The following CAMK1D variants were observed in gnomAD, a reference collection of about 807,000 sequenced individuals.
CAMK1D encodes calcium/calmodulin dependent protein kinase ID.
Under a neutral mutation model 47.7 loss-of-function variants are expected in CAMK1D, and 9 were observed. That is an observed-to-expected ratio of 0.19 (90% CI 0.11 to 0.33). The LOEUF is 0.33. Ranked by LOEUF, CAMK1D falls within the 10% of genes least tolerant of loss-of-function variation. The probability of loss-of-function intolerance (pLI) is 1.00; values close to 1 mark genes in which losing one functional copy is unlikely to be tolerated. For synonymous variants in CAMK1D, 184 were observed against 184.9 expected (o/e 0.99, Z 0.04); for missense variants, 291 against 488.7 (o/e 0.60, Z 3.81).
At chr10:12,669,858 G>T (rs1282251050) in intron 3 of CAMK1D, among the ~76,000 whole-genome samples, 11 of 151,942 alleles carry the variant, frequency 7.2e-5, no homozygotes, top group Admixed American at 7.2e-4. Flanking sequence ...TGTCTCAGTG[G>T]TTCATTCCTT....
In CAMK1D at chr10:12,430,448, A is replaced by C. The variant is rs115642351; in HGVS notation, c.92+80538A>C. ...CTTGAAGGGGATCAGTGTGCTTCAG[A>C]ACATCTAGAGCTTTCACTAAATCAG... On this transcript the variant is annotated intron_variant, in intron 1 of 10. Transcript: ENST00000619168. 2.6e-3 allele frequency among the ~76,000 whole-genome samples: 402 copies of C among 152,306 alleles called. 4 individuals carry two copies. Among genetic ancestry groups the C allele is most frequent in the African/African-American group, 9.3e-3 (386 of 41,578 alleles).
intron 2 of CAMK1D, among the ~76,000 whole-genome samples, chr10:12,632,000 C>T (rs1277049125): frequency 3.3e-5 from 5 of 152,144 alleles, no homozygotes; most frequent in Admixed American, 6.5e-5. Flanking sequence ...GAGCTCTTAA[C>T]GCACCACACC....
chr10:12,411,982 T>A (rs1839673524), intron 1 of CAMK1D, among the ~76,000 whole-genome samples: 1 of 152,228 alleles, frequency 6.6e-6, no homozygotes, highest in Non-Finnish European at 1.5e-5. Flanking sequence ...GGATAGAACA[T>A]CCGCTGATGT....
chr10:12,415,842 G>T (rs1839829579), intron 1 of CAMK1D: 1 of 146,226 alleles, frequency 6.8e-6, no homozygotes, highest in South Asian at 2.1e-4. Context: ...GTCTCGCTCT[G>T]TTGTCCAGGC....
intron 2 of CAMK1D, among the ~76,000 whole-genome samples, chr10:12,600,687 G>A (rs974875352): frequency 4.6e-5 from 7 of 152,170 alleles, no homozygotes; most frequent in Non-Finnish European, 8.8e-5. Flanking sequence ...GATCTATTGC[G>A]TAGTGGTGAA....
At chr10:12,753,768 C>T (rs972953437) in intron 3 of CAMK1D, among the ~76,000 whole-genome samples, 17 of 152,200 alleles carry the variant, frequency 1.1e-4, no homozygotes, top group Admixed American at 2.0e-4. Flanking sequence ...CTGTATTCTC[C>T]GAAAGAGTGA....
At chr10:12,480,955 C>T (rs1160827470) in intron 1 of CAMK1D, among the ~76,000 whole-genome samples, 1 of 152,204 alleles carries the variant, frequency 6.6e-6, no homozygotes, top group Non-Finnish European at 1.5e-5. Flanking sequence ...CCTCCAACAG[C>T]CCTTGGTCAT....
intron 2 of CAMK1D, among the ~76,000 whole-genome samples, chr10:12,596,479 G>A (rs1460231571): frequency 2.0e-5 from 3 of 152,132 alleles, no homozygotes; most frequent in East Asian, 1.9e-4. Context: ...GGCTTCATTT[G>A]GCTTACCTAG....
chr10:12,536,001 G>A (rs184125752), intron 1 of CAMK1D, among the ~76,000 whole-genome samples: 3 of 152,196 alleles, frequency 2.0e-5, no homozygotes, highest in Non-Finnish European at 4.4e-5. Flanking sequence ...TGTAAACCTG[G>A]ACTTTGCATA....
At chr10:12,496,830 A>G (rs967687897) in intron 1 of CAMK1D, among the ~76,000 whole-genome samples, 2 of 152,176 alleles carry the variant, frequency 1.3e-5, no homozygotes, top group African/African-American at 4.8e-5. Context: ...TGTCAAACCC[A>G]TCACCTAGGT....
intron 1 of CAMK1D, among the ~76,000 whole-genome samples, chr10:12,361,033 T>A (rs1385256780): frequency 6.6e-6 from 1 of 152,116 alleles, no homozygotes; most frequent in Non-Finnish European, 1.5e-5. Context: ...CTTTCAATGA[T>A]CTCTTGGAAC....
intron 3 of CAMK1D, among the ~76,000 whole-genome samples, chr10:12,683,853 A>G (rs1564489906): frequency 6.6e-6 from 1 of 151,912 alleles, no homozygotes; most frequent in Non-Finnish European, 1.5e-5. Flanking sequence ...AACCCCTCCA[A>G]TAACCACTTA....
intron 1 of CAMK1D, among the ~76,000 whole-genome samples, chr10:12,483,801 CT>C (rs1459323032): frequency 6.6e-6 from 1 of 152,104 alleles, no homozygotes; most frequent in East Asian, 1.9e-4. Flanking sequence ...ATTCTCCTGC[CT>C]TTGCCTCCCT....
chr10:12,561,959 C>G (rs1283967205), intron 2 of CAMK1D, among the ~76,000 whole-genome samples: 1 of 152,216 alleles, frequency 6.6e-6, no homozygotes, highest in African/African-American at 2.4e-5. Flanking sequence ...CCATGTATCT[C>G]TGGGGCCTCT....
At chr10:12,474,017 A>G (rs1437986034) in intron 1 of CAMK1D, among the ~76,000 whole-genome samples, 1 of 152,162 alleles carries the variant, frequency 6.6e-6, no homozygotes, top group Non-Finnish European at 1.5e-5. Context: ...ATTTGAATTA[A>G]GTCATATGTT....
chr10:12,449,322 G>C (rs1833013249), intron 1 of CAMK1D, among the ~76,000 whole-genome samples: 1 of 152,100 alleles, frequency 6.6e-6, no homozygotes, highest in Admixed American at 6.6e-5. Flanking sequence ...GTCTTGTGTA[G>C]CTGCTCCCGT....
intron 2 of CAMK1D, among the ~76,000 whole-genome samples, chr10:12,646,711 CA>C (rs1291360486): frequency 6.6e-6 from 1 of 152,026 alleles, no homozygotes; most frequent in East Asian, 1.9e-4. Context: ...TAGTAATTAC[CA>C]AAAACACAGG....
intron 2 of CAMK1D, among the ~76,000 whole-genome samples, chr10:12,666,196 C>G (rs1840424413): frequency 6.6e-6 from 1 of 151,702 alleles, no homozygotes; most frequent in African/African-American, 2.4e-5. Flanking sequence ...ACATGAACCC[C>G]AGTGAGGGAG....
intron 2 of CAMK1D, among the ~76,000 whole-genome samples, chr10:12,665,749 G>A (rs1246829835): frequency 6.6e-6 from 1 of 152,138 alleles, no homozygotes; most frequent in Non-Finnish European, 1.5e-5. Context: ...GTTTCCTTCT[G>A]CCCTGGTTCT....
Sources: allele counts gnomAD v4.1 joint callset (sites outside exome capture counted in the v4.1 genomes callset), GRCh38; gene constraint gnomAD v4.1.1; transcripts MANE v1.5; gene names NCBI Gene and HGNC (gene_info 2026-07-23, HGNC 2026-07-21).